The following GOT1 variants were observed in gnomAD, a reference collection of about 807,000 sequenced individuals.
The protein encoded by GOT1 is glutamic-oxaloacetic transaminase 1, also known as aspartate aminotransferase, cytoplasmic.
In GOT1, 25 loss-of-function variants were observed where a neutral mutation model predicts 48.2. The observed-to-expected ratio is 0.52, with a 90% CI of 0.38 to 0.72. The LOEUF is 0.72. Among genes scored for constraint, GOT1 ranks in the 30% least tolerant of loss-of-function variants. The pLI is 0.00. For synonymous variants in GOT1, 188 were observed against 193.8 expected (o/e 0.97, Z 0.25); for missense variants, 380 against 520.1 (o/e 0.73, Z 2.62).
intron 1 of GOT1, among the ~76,000 whole-genome samples, chr10:99,424,674 T>C (rs191544127): frequency 1.1e-3 from 167 of 152,332 alleles, no homozygotes; most frequent in African/African-American, 3.9e-3. Context: ...TGTGAAACTC[T>C]AAAATTCCAA....
At chr10:99,414,251 C>T (rs574219412) in intron 2 of GOT1, among the ~76,000 whole-genome samples, 1 of 152,100 alleles carries the variant, frequency 6.6e-6, no homozygotes, top group African/African-American at 2.4e-5. Flanking sequence ...GGAAGATCTA[C>T]CAAGCAAATG....
At chr10:99,423,034 T>C (rs919480605) in intron 1 of GOT1, among the ~76,000 whole-genome samples, 8 of 152,248 alleles carry the variant, frequency 5.3e-5, no homozygotes, top group Non-Finnish European at 1.2e-4. Flanking sequence ...CTAAGAAGTA[T>C]GTGTTTTTGT....
intron 8 of GOT1, among the ~76,000 whole-genome samples, chr10:99,398,269 A>G (rs917956092): frequency 4.6e-5 from 7 of 152,186 alleles, no homozygotes; most frequent in Non-Finnish European, 1.0e-4. Context: ...TAGTTTTTCC[A>G]TGTTTTCAGA....
intron 1 of GOT1, 69 bp from the exon 2 acceptor site, chr10:99,420,874 T>C (rs2032957238): frequency 7.9e-7 from 1 of 1,263,350 alleles, no homozygotes; most frequent in Non-Finnish European, 1.1e-6. Flanking sequence ...TTTGTAACTG[T>C]GAACCAGGAG....
intron 5 of GOT1, among the ~76,000 whole-genome samples, chr10:99,405,148 T>A (rs186727788): frequency 3.5e-4 from 53 of 152,332 alleles, no homozygotes; most frequent in Non-Finnish European, 6.6e-4. Context: ...TTCAATAGTG[T>A]ATTCCCACAG....
intron 2 of GOT1, among the ~76,000 whole-genome samples, chr10:99,418,031 C>T (rs2032919204): frequency 7.1e-6 from 1 of 140,152 alleles, no homozygotes; most frequent in Non-Finnish European, 1.6e-5. Context: ...GCACACGTAC[C>T]CTAGAACTTA....
At chr10:99,409,014 C>T (rs1482770065) in intron 2 of GOT1, among the ~76,000 whole-genome samples, 1 of 151,990 alleles carries the variant, frequency 6.6e-6, no homozygotes, top group African/African-American at 2.4e-5. Flanking sequence ...AGGATTGACC[C>T]TATACAGATA....
chr10:99,415,957 T>C lies in GOT1; in HGVS notation c.300+4667A>G, dbSNP rs12241455. ...GGACGTATCTCAAAATAATAAGAGC[T>C]ATCTATGACAAACCCACAGCCAATA... On this transcript the variant is annotated intron_variant, in intron 2 of 8. Transcript: ENST00000370508. Among the ~76,000 whole-genome samples, 684 of 152,252 alleles carry C rather than the reference T, an allele frequency of 4.5e-3. 8 individuals are homozygous for C. The highest frequency in any genetic ancestry group is 0.016 in the African/African-American group (647 of 41,552).
intron 1 of GOT1, among the ~76,000 whole-genome samples, chr10:99,427,564 T>G (rs575215110): frequency 1.3e-5 from 2 of 152,206 alleles, no homozygotes; most frequent in Non-Finnish European, 2.9e-5. Context: ...CCACCATGCC[T>G]GGCCCAGTAG....
At position 99,399,465 on chromosome 10, in the gene GOT1, T is replaced by A. The variant is rs370812771; in HGVS notation, c.1103-1779A>T. Among the ~76,000 whole-genome samples, 18 of 152,306 alleles carry A rather than the reference T, an allele frequency of 1.2e-4. No individual in the cohort carries two copies. In the South Asian group the frequency reaches 3.7e-3, roughly 32 times the overall value. The stretch of plus-strand genomic sequence containing the variant: ...TGAGTTCTATTTTGTAAGACACCTG[T>A]GCAAGTTAATAAATTTGCATGCTGG... On this transcript the variant is annotated intron_variant, in intron 8 of 8. Coordinates refer to ENST00000370508, the MANE Select transcript of GOT1 (RefSeq NM_002079.3).
intron 5 of GOT1, among the ~76,000 whole-genome samples, 190 bp downstream of exon 5, chr10:99,405,566 C>T (rs1449072358): frequency 6.6e-6 from 1 of 150,568 alleles, no homozygotes; most frequent in Non-Finnish European, 1.5e-5. Context: ...CACAGTCTGA[C>T]ATTCTATCTA....
chr10:99,399,703 G>T (rs1234472612), intron 8 of GOT1, among the ~76,000 whole-genome samples: 1 of 152,110 alleles, frequency 6.6e-6, no homozygotes, highest in Non-Finnish European at 1.5e-5. Context: ...GGCCTGGGAG[G>T]TTGAGGCTAC....
At chr10:99,407,970 C>T (rs549011385) in intron 2 of GOT1, among the ~76,000 whole-genome samples, 24 of 152,030 alleles carry the variant, frequency 1.6e-4, no homozygotes, top group African/African-American at 5.8e-4. Context: ...TTGCCTCCCA[C>T]CCACCGATAG....
chr10:99,428,577 C>T (rs1428690424), intron 1 of GOT1, among the ~76,000 whole-genome samples: 4 of 152,160 alleles, frequency 2.6e-5, no homozygotes, highest in African/African-American at 7.2e-5. Flanking sequence ...AGGCTGGTCT[C>T]GAACTCCTGA....
chr10:99,406,351 C>T (rs2134098840), intron 3 of GOT1, 102 bp from the exon 4 acceptor site: 1 of 784,092 alleles, frequency 1.3e-6, no homozygotes, highest in South Asian at 1.5e-5. Flanking sequence ...GCTCAATGTC[C>T]ACTGGGCATC....
At chr10:99,409,136 TTTTG>T (rs2032798394) in intron 2 of GOT1, among the ~76,000 whole-genome samples, 1 of 151,970 alleles carries the variant, frequency 6.6e-6, no homozygotes. Flanking sequence ...TGTGTTTTTT[TTTTG>T]TTTGTTTTTT....
chr10:99,411,457 G>C (rs1282151955), intron 2 of GOT1, among the ~76,000 whole-genome samples: 1 of 152,130 alleles, frequency 6.6e-6, no homozygotes, highest in Non-Finnish European at 1.5e-5. Flanking sequence ...ATTACTGTTG[G>C]TTTACTTGTT....
At chr10:99,407,271 C>T (rs910573791) in intron 2 of GOT1, among the ~76,000 whole-genome samples, 2 of 152,050 alleles carry the variant, frequency 1.3e-5, no homozygotes, top group African/African-American at 4.8e-5. Context: ...TCAAACTTAC[C>T]CTCTAGCATA....
intron 1 of GOT1, among the ~76,000 whole-genome samples, chr10:99,421,226 C>G (rs1027708075): frequency 6.6e-6 from 1 of 152,234 alleles, no homozygotes; most frequent in Non-Finnish European, 1.5e-5. Flanking sequence ...CCTTCTGCAT[C>G]TCCCCAAGAG....
Sources: allele counts gnomAD v4.1 joint callset (sites outside exome capture counted in the v4.1 genomes callset), GRCh38; gene constraint gnomAD v4.1.1; transcripts MANE v1.5; gene names NCBI Gene and HGNC (gene_info 2026-07-23, HGNC 2026-07-21).